Variants in PRELID2 observed in about 807,000 individuals in gnomAD.
PRELID2 encodes the protein PRELI domain-containing protein 2.
A neutral mutation model predicts 28.4 loss-of-function variants in PRELID2; 25 were observed. That is an observed-to-expected ratio of 0.88 (90% CI 0.64 to 1.23). PRELID2 has a LOEUF of 1.23. Ranked by LOEUF, PRELID2 falls within the 50% of genes most tolerant of loss-of-function variation. PRELID2 has a pLI of 0.00. For synonymous variants in PRELID2, 76 were observed against 71.6 expected, an observed-to-expected ratio of 1.06 and a Z score of -0.31; for missense variants, 201 against 214.4, an observed-to-expected ratio of 0.94 and a Z score of 0.39.
chr5:145,295,492 A>G, the PRELID2 span, among the ~76,000 whole-genome samples: 11 of 152,310 alleles, frequency 7.2e-5, no homozygotes, highest in South Asian at 1.7e-3. Context: ...ACAAAAAACT[A>G]AAAGAAATTG....
intron 1 of PRELID2, among the ~76,000 whole-genome samples, chr5:145,536,072 C>T (rs984665970): frequency 2.0e-5 from 3 of 151,878 alleles, no homozygotes; most frequent in African/African-American, 4.8e-5. Flanking sequence ...CTTGTTTCCA[C>T]GGTGTACATC....
At chr5:145,708,118 G>C (rs971058697) in intron 1 of PRELID2, among the ~76,000 whole-genome samples, 1 of 152,100 alleles carries the variant, frequency 6.6e-6, no homozygotes, top group Non-Finnish European at 1.5e-5. Context: ...CACTCTTGGG[G>C]TGGTTGGGGG....
chr5:145,263,474 A>C, the PRELID2 span, among the ~76,000 whole-genome samples: 17 of 149,526 alleles, frequency 1.1e-4, no homozygotes, highest in Admixed American at 1.1e-3. Context: ...AATAAATTAA[A>C]ACAAAAAAAA....
At chr5:145,312,808 C>A in the PRELID2 span, among the ~76,000 whole-genome samples, 2 of 152,096 alleles carry the variant, frequency 1.3e-5, no homozygotes, top group African/African-American at 4.8e-5. Flanking sequence ...ATGAATAATG[C>A]TGCAATAACA....
intron 1 of PRELID2, among the ~76,000 whole-genome samples, chr5:145,671,956 T>A (rs1480207817): frequency 2.0e-5 from 3 of 152,100 alleles, no homozygotes; most frequent in Admixed American, 1.3e-4. Context: ...AAACAAAAAA[T>A]TATAATAATG....
At chr5:145,743,456 C>G (rs191789365) in intron 1 of PRELID2, among the ~76,000 whole-genome samples, 16 of 149,802 alleles carry the variant, frequency 1.1e-4, no homozygotes, top group East Asian at 3.9e-4. Flanking sequence ...AAGGAAACAA[C>G]CATAATAGGC....
intron 1 of PRELID2, among the ~76,000 whole-genome samples, chr5:145,504,226 A>C (rs373528720): frequency 6.6e-5 from 10 of 152,310 alleles, no homozygotes; most frequent in East Asian, 1.9e-4. Flanking sequence ...GGCTGGATCA[A>C]CTTAACCTCA....
At chr5:145,349,170 T>C in the PRELID2 span, among the ~76,000 whole-genome samples, 8 of 152,182 alleles carry the variant, frequency 5.3e-5, no homozygotes, top group African/African-American at 1.7e-4. Flanking sequence ...ACATATGCTA[T>C]TATTGCCTAT....
rs191725943 is a variant in PRELID2 at position 145,656,975 on chromosome 5, T to C, written n.70+107956A>G. 9.5e-4 allele frequency among the ~76,000 whole-genome samples: 144 copies of C among 152,292 alleles called. 1 individual carries two copies. Among genetic ancestry groups the C allele is most frequent in the African/African-American group, 3.2e-3 (134 of 41,566 alleles). ...TCCTTAGCCTATCTCACATGTTTAT[T>C]TGGAAGATTAATTAGAACACACAGA... On this transcript the variant is annotated intron_variant and non_coding_transcript_variant, in intron 1 of 2. Transcript: ENST00000510259.
At chr5:145,642,075 T>C (rs1053748957) in intron 1 of PRELID2, among the ~76,000 whole-genome samples, 1 of 151,354 alleles carries the variant, frequency 6.6e-6, no homozygotes, top group Admixed American at 6.6e-5. Context: ...TTCTAGATCC[T>C]TGAGGAATCA....
intron 5 of PRELID2, among the ~76,000 whole-genome samples, chr5:145,778,167 A>C (rs1561596725): frequency 6.6e-6 from 1 of 152,160 alleles, no homozygotes; most frequent in Non-Finnish European, 1.5e-5. Flanking sequence ...ATCAGAGCTG[A>C]GCAGATGTTG....
At chr5:145,318,669 A>G in the PRELID2 span, among the ~76,000 whole-genome samples, 1 of 152,184 alleles carries the variant, frequency 6.6e-6, no homozygotes, top group South Asian at 2.1e-4. Flanking sequence ...GAACCAGGAC[A>G]AGGGCTTTTG....
At chr5:145,242,712 C>T in the PRELID2 span, among the ~76,000 whole-genome samples, 1 of 152,028 alleles carries the variant, frequency 6.6e-6, no homozygotes, top group Non-Finnish European at 1.5e-5. Context: ...AAAAGAACAA[C>T]TAAATAACCT....
At chr5:145,347,190 A>G in the PRELID2 span, among the ~76,000 whole-genome samples, 28 of 152,174 alleles carry the variant, frequency 1.8e-4, no homozygotes, top group African/African-American at 6.5e-4. Context: ...CTGTTCAGCT[A>G]ATATTGCCCA....
At chr5:145,778,701 G>A (rs142257892) in intron 5 of PRELID2, among the ~76,000 whole-genome samples, 286 of 152,236 alleles carry the variant, frequency 1.9e-3, no homozygotes, top group Non-Finnish European at 3.2e-3. Flanking sequence ...TGTACTCCAC[G>A]CTTGCTCACA....
rs139324871 is a variant in PRELID2 at position 145,633,584 on chromosome 5, G to A, written n.70+131347C>T. Among the ~76,000 whole-genome samples, 547 of 152,262 alleles carry A rather than the reference G, an allele frequency of 3.6e-3. 4 individuals are homozygous for A. The highest frequency in any genetic ancestry group is 0.013 in the African/African-American group (521 of 41,546). ...CTACAGGACTGCTCCATTTGATAAGGGAATCAGACAAGCTCTGAGTTGGGA... is the reference window on the plus strand; with the variant it reads ...CTACAGGACTGCTCCATTTGATAAGAGAATCAGACAAGCTCTGAGTTGGGA... On this transcript the variant is annotated intron_variant and non_coding_transcript_variant, in intron 1 of 2. Coordinates refer to the PRELID2 transcript ENST00000510259.
the PRELID2 span, among the ~76,000 whole-genome samples, chr5:145,414,381 C>G: frequency 1.3e-5 from 2 of 152,264 alleles, no homozygotes; most frequent in South Asian, 4.2e-4. Flanking sequence ...ACGAAAGTAA[C>G]CCCCCAGGCC....
the PRELID2 span, among the ~76,000 whole-genome samples, chr5:145,448,951 C>T: frequency 0.21 from 31,269 of 151,986 alleles, 3,831 homozygotes; most frequent in South Asian, 0.35. Context: ...CTCAAACTCA[C>T]TTAAATAGAA....
At chr5:145,417,671 A>G in the PRELID2 span, among the ~76,000 whole-genome samples, 13 of 152,226 alleles carry the variant, frequency 8.5e-5, no homozygotes, top group Admixed American at 8.5e-4. Flanking sequence ...ATAGATGCAG[A>G]AAAAGCCTTT....
Sources: allele counts gnomAD v4.1 joint callset (sites outside exome capture counted in the v4.1 genomes callset), GRCh38; gene constraint gnomAD v4.1.1; transcripts MANE v1.5; gene names NCBI Gene and HGNC (gene_info 2026-07-23, HGNC 2026-07-21).